The following COL27A1 variants were observed in gnomAD, a reference collection of about 807,000 sequenced individuals.
COL27A1 encodes the protein collagen alpha-1(XXVII) chain.
A neutral mutation model predicts 251.3 loss-of-function variants in COL27A1; 106 were observed. The ratio of observed to expected loss-of-function variants is 0.42; its 90% CI spans 0.36 to 0.50. The LOEUF is 0.50. Among genes scored for constraint, COL27A1 ranks in the 20% least tolerant of loss-of-function variants. The pLI is 0.00. For synonymous variants in COL27A1, 1,000 were observed against 986.3 expected (o/e 1.01, Z -0.26); for missense variants, 2,325 against 2,522.8 (o/e 0.92, Z 1.68).
At chr9:114,214,085 C>T (rs1314046201) in intron 12 of COL27A1, among the ~76,000 whole-genome samples, 7 of 152,160 alleles carry the variant, frequency 4.6e-5, no homozygotes, top group Admixed American at 3.9e-4. Flanking sequence ...GACTTCACAT[C>T]GGCTGAGTCC....
At chr9:114,208,257 G>A (rs1318593243) in intron 10 of COL27A1, among the ~76,000 whole-genome samples, 1 of 152,112 alleles carries the variant, frequency 6.6e-6, no homozygotes, top group African/African-American at 2.4e-5. Flanking sequence ...GGTCAACATA[G>A]CGAAACCCCG....
chr9:114,236,525 C>T (rs1480529592), intron 17 of COL27A1, among the ~76,000 whole-genome samples: 1 of 152,202 alleles, frequency 6.6e-6, no homozygotes, highest in Non-Finnish European at 1.5e-5. Context: ...CATGTGGCCA[C>T]ATCTGGAACT....
intron 2 of COL27A1, among the ~76,000 whole-genome samples, chr9:114,165,657 CAT>C (rs1428807447): frequency 4.0e-5 from 6 of 149,732 alleles, no homozygotes; most frequent in Non-Finnish European, 8.9e-5. Flanking sequence ...TTTATCCATC[CAT>C]CCATCCATCC....
At chr9:114,218,919 A>G (rs2135378230) in intron 12 of COL27A1, among the ~76,000 whole-genome samples, 1 of 151,098 alleles carries the variant, frequency 6.6e-6, no homozygotes, top group South Asian at 2.1e-4. Context: ...TCATAGCCCC[A>G]GCATTCACTT....
At chr9:114,270,851 C>G (rs1335719709) in intron 36 of COL27A1, 70 bp downstream of exon 36, 2 of 1,158,086 alleles carry the variant, frequency 1.7e-6, no homozygotes. Context: ...AGACCTAAGT[C>G]TCCTCCCAGA....
chr9:114,235,924 C>G (rs905684537), intron 17 of COL27A1, among the ~76,000 whole-genome samples: 3 of 152,138 alleles, frequency 2.0e-5, no homozygotes, highest in African/African-American at 7.2e-5. Context: ...GGGCAAAGCT[C>G]TGCTCTCCGC....
At chr9:114,224,948 G>T (rs577016490) in intron 14 of COL27A1, among the ~76,000 whole-genome samples, 1 of 152,106 alleles carries the variant, frequency 6.6e-6, no homozygotes, top group East Asian at 1.9e-4. Context: ...TCTTTAAAAG[G>T]TCATTCTTAC....
Position 114,307,501 on chromosome 9 carries a change from A to G in COL27A1, c.5108-168A>G, listed in dbSNP as rs951580538. 7.0e-5 allele frequency: 43 copies of G among 613,314 alleles called. No homozygotes were observed. The African/African-American group carries it at 7.8e-4, about 11-fold the overall frequency. 38.0% of individuals were successfully genotyped at this position (613,314 alleles called of 1,614,324 possible). ...TCTGCCAGTTGTGAGCTCTGCCCAG[A>G]AGGTTTCCTTCCATCTCGGTTGGAG... On this transcript the variant is annotated intron_variant, in intron 58 of 60. Coordinates refer to ENST00000356083, the MANE Select transcript of COL27A1 (RefSeq NM_032888.4).
Position 114,195,985 on chromosome 9 carries a change from C to T in COL27A1, c.2097C>T (p.Ser699=), listed in dbSNP as rs570640809. ...GTGACATGGGCTTGCCTGGGCTCTCCGGGAATCCAGGACCTCCGGGACGAA... is the reference window on the plus strand; with the variant it reads ...GTGACATGGGCTTGCCTGGGCTCTCTGGGAATCCAGGACCTCCGGGACGAA... ...AKGDMGLPGL[S]GNPGPPGRKG... is the part of the protein sequence containing the mutation. The change falls in exon 7 of 61, where the codon TCC becomes TCT. Residue 699 remains serine, a synonymous_variant. Coordinates refer to ENST00000356083, the MANE Select transcript of COL27A1 (RefSeq NM_032888.4). The T allele has an allele frequency of 4.9e-5, 79 of 1,614,084 alleles. No homozygotes were observed. The highest frequency in any genetic ancestry group is 3.5e-4 in the South Asian group (32 of 91,078).
At chr9:114,234,912 C>CAAAAAAAAAAAA (rs999381150) in intron 16 of COL27A1, among the ~76,000 whole-genome samples, 1 of 105,712 alleles carries the variant, frequency 9.5e-6, no homozygotes. Context: ...ACTAAAAATA[C>CAAAAAAAAAAAA]AAAAAAAAAA....
intron 12 of COL27A1, among the ~76,000 whole-genome samples, chr9:114,214,202 A>G (rs1256931642): frequency 1.3e-5 from 2 of 151,770 alleles, no homozygotes; most frequent in African/African-American, 4.8e-5. Flanking sequence ...GTTGCTCCCA[A>G]CCCCTTGATC....
intron 48 of COL27A1, among the ~76,000 whole-genome samples, chr9:114,291,164 G>C (rs879889343): frequency 6.6e-6 from 1 of 152,098 alleles, no homozygotes; most frequent in Non-Finnish European, 1.5e-5. Context: ...TGGTTTTTGA[G>C]TTGTCCACGG....
intron 24 of COL27A1, among the ~76,000 whole-genome samples, chr9:114,249,986 C>T (rs1434278791): frequency 6.6e-6 from 1 of 152,184 alleles, no homozygotes; most frequent in African/African-American, 2.4e-5. Flanking sequence ...TTTGCTTGCT[C>T]AGGGAGACGG....
intron 14 of COL27A1, among the ~76,000 whole-genome samples, chr9:114,226,282 T>C (rs1831460590): frequency 1.3e-5 from 2 of 152,176 alleles, no homozygotes; most frequent in African/African-American, 4.8e-5. Flanking sequence ...TTTCCTTGTC[T>C]GTAAAGCAAA....
chr9:114,225,101 G>T (rs1294060338), intron 14 of COL27A1, among the ~76,000 whole-genome samples: 1 of 152,198 alleles, frequency 6.6e-6, no homozygotes, highest in African/African-American at 2.4e-5. Context: ...ATTTAACTGG[G>T]CATCCTGTCT....
chr9:114,301,985 C>A, intron 55 of COL27A1, 97 bp from the exon 56 acceptor site: 1 of 1,242,806 alleles, frequency 8.0e-7, no homozygotes, highest in Non-Finnish European at 1.2e-6. Flanking sequence ...CTTGGCAGGT[C>A]CTGCATGCTT....
chr9:114,173,616 C>G (rs939664863), intron 3 of COL27A1, among the ~76,000 whole-genome samples: 1 of 152,126 alleles, frequency 6.6e-6, no homozygotes, highest in African/African-American at 2.4e-5. Context: ...CTTAACCTCT[C>G]TAAGCCTCAG....
intron 50 of COL27A1, 199 bp from the exon 51 acceptor site, chr9:114,300,426 G>A (rs561697112): frequency 4.3e-5 from 25 of 582,798 alleles, no homozygotes; most frequent in Non-Finnish European, 4.3e-5. Context: ...AGGGGCATAT[G>A]CCACACAGCA....
At chr9:114,237,572 C>A in intron 18 of COL27A1, 90 bp from the exon 19 acceptor site, 1 of 1,106,308 alleles carries the variant, frequency 9.0e-7, no homozygotes, top group Non-Finnish European at 1.4e-6. Flanking sequence ...CTGAACTTTC[C>A]AACCATCCAC....
Sources: allele counts gnomAD v4.1 joint callset (sites outside exome capture counted in the v4.1 genomes callset), GRCh38; gene constraint gnomAD v4.1.1; transcripts MANE v1.5; gene names NCBI Gene and HGNC (gene_info 2026-07-23, HGNC 2026-07-21).